Variants in KIF3A observed in about 807,000 individuals in gnomAD.
The protein encoded by KIF3A is kinesin family member 3A.
Under a neutral mutation model 92.6 loss-of-function variants are expected in KIF3A, and 27 were observed. The observed-to-expected ratio is 0.29, with a 90% CI of 0.21 to 0.40. The LOEUF is 0.40. Among genes scored for constraint, KIF3A ranks in the 10% least tolerant of loss-of-function variants. The pLI, the probability that KIF3A is intolerant of heterozygous loss-of-function variation, is 1.00. For synonymous variants in KIF3A, 250 were observed against 275.4 expected, an observed-to-expected ratio of 0.91 and a Z score of 0.92; for missense variants, 581 against 872.6, an observed-to-expected ratio of 0.67 and a Z score of 4.21.
downstream of KIF3A, among the ~76,000 whole-genome samples, chr5:132,690,754 C>T (rs1408702750): frequency 4.6e-5 from 7 of 151,912 alleles, no homozygotes; most frequent in South Asian, 2.1e-4. Context: ...GGTGAAACCC[C>T]GTCTCTACTA....
chr5:132,727,411 A>C (rs1754070547), intron 2 of KIF3A, among the ~76,000 whole-genome samples: 1 of 152,176 alleles, frequency 6.6e-6, no homozygotes, highest in African/African-American at 2.4e-5. Context: ...TAATGGGAAA[A>C]AGGAGAGGGG....
intron 5 of KIF3A, among the ~76,000 whole-genome samples, chr5:132,720,226 T>C (rs148371543): frequency 6.6e-6 from 1 of 152,226 alleles, no homozygotes; most frequent in East Asian, 1.9e-4. Flanking sequence ...ACTTTCTTCA[T>C]TCATAAAGTA....
Position 132,703,043 on chromosome 5 carries a change from C to T in KIF3A, c.1489G>A (p.Glu497Lys). 1 of 1,611,546 alleles carries T rather than the reference C, an allele frequency of 6.2e-7. No individual in the cohort carries two copies. ...TTCTTTTCCAGGGCAGATAATTTTT[C>T]CAGCAAAGACTGATGCTCTTGTCTG... ...KAQQEHQSLLEKLSALEKKVI... is the reference protein window; with the variant it reads ...KAQQEHQSLLKKLSALEKKVI... The change falls in exon 13 of 19, where the codon GAA becomes AAA. Residue 497 changes from glutamate (E) to lysine (K), a missense_variant. Physicochemically the swap from Glu to Lys is moderately conservative, Grantham distance 56. Around this residue, in one of 5 missense-constraint regions of KIF3A, gnomAD observed 167 missense variants for 205.8 expected, o/e 0.81. Transcript: ENST00000403231.
intron 8 of KIF3A, among the ~76,000 whole-genome samples, chr5:132,713,743 A>G (rs1233244877): frequency 6.6e-6 from 1 of 152,192 alleles, no homozygotes; most frequent in African/African-American, 2.4e-5. Flanking sequence ...GGATGAATGG[A>G]TAACAAAATG....
rs891326114 is a variant in KIF3A at position 132,737,526 on chromosome 5, C to T, written c.-107G>A. On this transcript the variant is annotated 5_prime_UTR_variant, in exon 1 of 19. Coordinates refer to ENST00000403231, the MANE Select transcript of KIF3A (RefSeq NM_001300791.2). ...AGACTACCGAAACACCTCGTTGACG[C>T]TCTCGAGACTGCGGCTTCTCGGGCG... The T allele has an allele frequency of 7.6e-6, 10 of 1,318,106 alleles. No individual in the cohort carries two copies. The highest frequency in any genetic ancestry group is 7.6e-5 in the African/African-American group (5 of 66,150). The allele number at this position is 1,318,106 out of a possible 1,614,324, so 81.7% of individuals were successfully genotyped here.
At chr5:132,735,858 G>T (rs1291778920) in intron 1 of KIF3A, among the ~76,000 whole-genome samples, 2 of 152,198 alleles carry the variant, frequency 1.3e-5, no homozygotes, top group African/African-American at 4.8e-5. Flanking sequence ...CTGCTTCACT[G>T]GGCTTATTTC....
intron 2 of KIF3A, among the ~76,000 whole-genome samples, chr5:132,726,730 A>G (rs1754047157): frequency 6.6e-6 from 1 of 152,248 alleles, no homozygotes; most frequent in Non-Finnish European, 1.5e-5. Flanking sequence ...AATAAAAAGC[A>G]TCCCAAGCCC....
chr5:132,702,304 T>C (rs1257154993), intron 14 of KIF3A, 92 bp from the exon 15 acceptor site: 1 of 1,228,996 alleles, frequency 8.1e-7, no homozygotes, highest in Admixed American at 2.1e-5. Context: ...TAAGAAACCT[T>C]GTGAGAGCTT....
At chr5:132,708,862 G>A (rs942620945) in intron 10 of KIF3A, 45 bp downstream of exon 10, 2 of 1,362,230 alleles carry the variant, frequency 1.5e-6, no homozygotes, top group Non-Finnish European at 2.0e-6. Context: ...CATGGGTTAT[G>A]GAAAAGCCAA....
chr5:132,715,097 T>C (rs1439124645), intron 8 of KIF3A, among the ~76,000 whole-genome samples: 1 of 152,164 alleles, frequency 6.6e-6, no homozygotes, highest in Non-Finnish European at 1.5e-5. Flanking sequence ...CAAAGCCCTG[T>C]TTACGTGGTT....
intron 4 of KIF3A, 24 bp downstream of exon 4, chr5:132,726,104 T>C (rs753431764): frequency 3.3e-6 from 5 of 1,517,230 alleles, no homozygotes; most frequent in Admixed American, 4.1e-5. Flanking sequence ...GAAAAAGTAC[T>C]CCACCAATTT....
chr5:132,699,019 T>A (rs1477485657), intron 18 of KIF3A, 152 bp downstream of exon 18: 1 of 768,256 alleles, frequency 1.3e-6, no homozygotes, highest in African/African-American at 1.8e-5. Flanking sequence ...ATTACAGGCG[T>A]GAGCCACTGT....
At chr5:132,725,241 T>C (rs918852399) in intron 4 of KIF3A, among the ~76,000 whole-genome samples, 3 of 152,036 alleles carry the variant, frequency 2.0e-5, no homozygotes, top group Non-Finnish European at 2.9e-5. Context: ...GCTATATAAA[T>C]GGTATCAGAG....
chr5:132,725,119 T>C (rs1036145202), intron 4 of KIF3A, among the ~76,000 whole-genome samples: 2 of 151,912 alleles, frequency 1.3e-5, no homozygotes. Flanking sequence ...TCTTTCCAAA[T>C]GATTTTTTCC....
chr5:132,723,003 T>C lies in KIF3A; in HGVS notation c.511-2289A>G, dbSNP rs532106945. On this transcript the variant is annotated intron_variant, in intron 4 of 18. Coordinates refer to ENST00000403231, the MANE Select transcript of KIF3A (RefSeq NM_001300791.2). ...TTACAGTAGGGTAGTATACGAATTTTTTAAAAAGTATGTGTATAGGTAGAT... is the reference window on the plus strand; with the variant it reads ...TTACAGTAGGGTAGTATACGAATTTCTTAAAAAGTATGTGTATAGGTAGAT... The C allele has an allele frequency of 5.3e-5, 8 of 152,314 alleles. No homozygotes were observed. The East Asian group carries it at 1.3e-3, about 26-fold the overall frequency. The allele number at this position is 152,314 out of a possible 1,614,324, so 9.4% of individuals were successfully genotyped here.
At chr5:132,712,604 T>C (rs551730235) in intron 8 of KIF3A, among the ~76,000 whole-genome samples, 3 of 152,244 alleles carry the variant, frequency 2.0e-5, no homozygotes, top group African/African-American at 7.2e-5. Context: ...ATACTAAAAA[T>C]AGTAGAAGAA....
downstream of KIF3A, among the ~76,000 whole-genome samples, chr5:132,690,814 C>A: frequency 6.8e-6 from 1 of 147,310 alleles, no homozygotes; most frequent in African/African-American, 2.7e-5. Context: ...ATAGTCCCAG[C>A]TACTCGGGAG....
chr5:132,734,798 C>T (rs1437852118), intron 1 of KIF3A, among the ~76,000 whole-genome samples: 2 of 152,190 alleles, frequency 1.3e-5, no homozygotes, highest in Non-Finnish European at 2.9e-5. Context: ...TCTGACCCAG[C>T]GTTTCCTGCC....
Position 132,711,077 on chromosome 5 carries a change from CA to C in KIF3A, c.1130-21del. The stretch of plus-strand genomic sequence containing the variant: ...CTTCTCCTTGGACAGAAATTTAATA[CA>C]ATGTTTTTTATCCTGTACGAAGTCA... On this transcript the variant is annotated intron_variant, in intron 8 of 18. Coordinates refer to ENST00000403231, the MANE Select transcript of KIF3A (RefSeq NM_001300791.2). The C allele has an allele frequency of 6.2e-7, 1 of 1,606,794 alleles. No individual in the cohort carries two copies. The highest frequency in any genetic ancestry group is 8.5e-7 in the Non-Finnish European group (1 of 1,173,404).
Sources: allele counts gnomAD v4.1 joint callset (sites outside exome capture counted in the v4.1 genomes callset), GRCh38; gene constraint gnomAD v4.1.1; regional missense constraint gnomAD v4.1.1; transcripts MANE v1.5; gene names NCBI Gene and HGNC (gene_info 2026-07-23, HGNC 2026-07-21).